The following NCMAP variants were observed in gnomAD, a reference collection of about 807,000 sequenced individuals.
The protein encoded by NCMAP is noncompact myelin-associated protein.
In NCMAP, 8 loss-of-function variants were observed where a neutral mutation model predicts 7.8. The observed-to-expected ratio is 1.02, with a 90% CI of 0.60 to 1.84. The LOEUF (loss-of-function observed/expected upper bound fraction) is 1.84. Ranked by LOEUF, NCMAP falls within the 40% of genes most tolerant of loss-of-function variation. NCMAP has a pLI of 0.00. For synonymous variants in NCMAP, 41 were observed against 52.9 expected, an observed-to-expected ratio of 0.78 and a Z score of 0.98; for missense variants, 112 against 131.4, an observed-to-expected ratio of 0.85 and a Z score of 0.72.
At position 24,606,148 on chromosome 1, in the gene NCMAP, C is replaced by T. The variant is rs904188712; in HGVS notation, c.*401C>T. The T allele has an allele frequency of 6.0e-6, 1 of 167,178 alleles. No individual in the cohort carries two copies. Among genetic ancestry groups the T allele is most frequent in the Non-Finnish European group, 1.3e-5 (1 of 77,896 alleles). The allele number at this position is 167,178 out of a possible 1,614,324, so 10.4% of individuals were successfully genotyped here. The stretch of plus-strand genomic sequence containing the variant: ...ACGGGGTTCATATCAGATGAAGCGC[C>T]GTATCCACTGCTTCACAGAGCAAAA... On this transcript the variant is annotated 3_prime_UTR_variant, in exon 4 of 4. Coordinates refer to ENST00000374392, the MANE Select transcript of NCMAP (RefSeq NM_001010980.5).
intron 3 of NCMAP, among the ~76,000 whole-genome samples, chr1:24,604,295 CTGG>C (rs1291860443): frequency 2.6e-5 from 4 of 151,956 alleles, no homozygotes; most frequent in Non-Finnish European, 4.4e-5. Context: ...AATTATAAGG[CTGG>C]GTGCAGTGGC....
chr1:24,562,119 C>T (rs1651072456), intron 1 of NCMAP, among the ~76,000 whole-genome samples: 1 of 152,186 alleles, frequency 6.6e-6, no homozygotes, highest in Non-Finnish European at 1.5e-5. Flanking sequence ...GAATGTTCTG[C>T]CTCCTAAGGG....
intron 1 of NCMAP, among the ~76,000 whole-genome samples, chr1:24,558,298 T>A (rs1436842476): frequency 1.3e-5 from 2 of 152,206 alleles, no homozygotes; most frequent in African/African-American, 4.8e-5. Context: ...GCTGCCTTGC[T>A]TCTCACTTTG....
chr1:24,594,955 T>C (rs1652169920), intron 1 of NCMAP, among the ~76,000 whole-genome samples: 1 of 152,178 alleles, frequency 6.6e-6, no homozygotes, highest in African/African-American at 2.4e-5. Flanking sequence ...TATTTTTGCC[T>C]CCTCATATAG....
At chr1:24,573,952 CAAAAA>C (rs78594011) in intron 1 of NCMAP, among the ~76,000 whole-genome samples, 23,706 of 84,814 alleles carry the variant, frequency 0.28, 2,649 homozygotes, top group African/African-American at 0.3. Flanking sequence ...CCAGAGAGGA[CAAAAA>C]AAAAAAAAAA....
intron 1 of NCMAP, among the ~76,000 whole-genome samples, chr1:24,587,523 T>C (rs1427456223): frequency 2.6e-5 from 4 of 152,248 alleles, no homozygotes; most frequent in South Asian, 4.2e-4. Flanking sequence ...TTTCTTTTCT[T>C]TTCTTTTTTT....
chr1:24,592,883 C>T (rs1269467231), intron 1 of NCMAP, among the ~76,000 whole-genome samples: 6 of 151,964 alleles, frequency 3.9e-5, no homozygotes, highest in African/African-American at 1.4e-4. Flanking sequence ...CATGCCACTG[C>T]ACTCCAGCCT....
chr1:24,563,470 C>T (rs113212803), intron 1 of NCMAP, among the ~76,000 whole-genome samples: 1,714 of 149,754 alleles, frequency 0.011, 40 homozygotes, highest in African/African-American at 0.039. Context: ...TGCGGTGAGC[C>T]GAGATCACGC....
chr1:24,603,679 A>G (rs988069002), intron 3 of NCMAP, among the ~76,000 whole-genome samples: 41 of 152,214 alleles, frequency 2.7e-4, no homozygotes, highest in Non-Finnish European at 7.3e-5. Flanking sequence ...TTATAGATAC[A>G]TTGCAGAATG....
chr1:24,599,272 C>A, intron 2 of NCMAP, among the ~76,000 whole-genome samples: 1 of 124,434 alleles, frequency 8.0e-6, no homozygotes, highest in African/African-American at 3.0e-5. Context: ...AAGAGTGAAA[C>A]TCCCTCTCAA....
intron 1 of NCMAP, among the ~76,000 whole-genome samples, chr1:24,574,461 G>T (rs4648997): frequency 0.5 from 75,820 of 151,904 alleles, 19,425 homozygotes; most frequent in Middle Eastern, 0.59. Context: ...TGGTGCTGAG[G>T]CCTTCGGGCT....
At chr1:24,571,335 C>T (rs892753076) in intron 1 of NCMAP, among the ~76,000 whole-genome samples, 2 of 149,286 alleles carry the variant, frequency 1.3e-5, no homozygotes, top group African/African-American at 5.1e-5. Context: ...ATTAGCCAGG[C>T]GTGGTAGTGG....
At chr1:24,597,670 A>G (rs1652301858) in intron 2 of NCMAP, among the ~76,000 whole-genome samples, 3 of 139,160 alleles carry the variant, frequency 2.2e-5, no homozygotes, top group African/African-American at 7.8e-5. Flanking sequence ...AAAGAAAGAA[A>G]GAAAAGAAAA....
chr1:24,596,804 G>A (rs1039048656), intron 2 of NCMAP, among the ~76,000 whole-genome samples: 3 of 152,186 alleles, frequency 2.0e-5, no homozygotes, highest in African/African-American at 7.2e-5. Flanking sequence ...AGTGAGTTCT[G>A]GGGAGGCATT....
At chr1:24,597,825 T>C (rs1160546266) in intron 2 of NCMAP, among the ~76,000 whole-genome samples, 3 of 152,210 alleles carry the variant, frequency 2.0e-5, no homozygotes, top group Non-Finnish European at 2.9e-5. Context: ...TGAATCCTTA[T>C]TTAGTATGTG....
At chr1:24,604,093 G>T (rs764676155) in intron 3 of NCMAP, among the ~76,000 whole-genome samples, 1 of 152,154 alleles carries the variant, frequency 6.6e-6, no homozygotes, top group Non-Finnish European at 1.5e-5. Context: ...TGGCATTAAT[G>T]GATTCATGAG....
chr1:24,560,356 A>G (rs1651016858), intron 1 of NCMAP, among the ~76,000 whole-genome samples: 1 of 152,208 alleles, frequency 6.6e-6, no homozygotes, highest in African/African-American at 2.4e-5. Context: ...CTGGGAATTC[A>G]GAAAGAGCTC....
intron 1 of NCMAP, among the ~76,000 whole-genome samples, chr1:24,582,073 G>T (rs1458045047): frequency 6.6e-6 from 1 of 152,160 alleles, no homozygotes; most frequent in African/African-American, 2.4e-5. Flanking sequence ...CCCTACCCCA[G>T]CTGGCCTAGC....
intron 3 of NCMAP, among the ~76,000 whole-genome samples, chr1:24,602,258 G>C (rs1652525676): frequency 6.6e-6 from 1 of 152,028 alleles, no homozygotes; most frequent in Non-Finnish European, 1.5e-5. Flanking sequence ...TGCTGGGAGG[G>C]GGATGTTCCT....
Sources: gnomAD v4.1 joint callset for allele counts (sites outside exome capture counted in the v4.1 genomes callset) on GRCh38, gnomAD v4.1.1 for gene constraint, MANE v1.5 for transcripts, NCBI Gene and HGNC (gene_info 2026-07-23, HGNC 2026-07-21) for gene names.